RXFP1: variants seen among roughly 807,000 people sequenced by gnomAD.
The protein encoded by RXFP1 is relaxin family peptide receptor 1, also known as relaxin receptor 1.
RXFP1 carries 73 observed loss-of-function variants against 89.8 expected under a neutral mutation model. The ratio of observed to expected loss-of-function variants is 0.81; its 90% CI spans 0.67 to 0.99. The LOEUF (loss-of-function observed/expected upper bound fraction) is 0.99, where lower values mean the gene tolerates loss of function less well. Among genes scored for constraint, RXFP1 ranks in the 50% least tolerant of loss-of-function variants. RXFP1 has a pLI of 0.00. For synonymous variants in RXFP1, 277 were observed against 305.5 expected (o/e 0.91, Z 0.97); for missense variants, 793 against 895.5 (o/e 0.89, Z 1.46).
At chr4:158,567,879 C>T (rs761422275) in intron 1 of RXFP1, among the ~76,000 whole-genome samples, 11 of 152,220 alleles carry the variant, frequency 7.2e-5, no homozygotes, top group Non-Finnish European at 1.6e-4. Flanking sequence ...TCAGCAGTGG[C>T]AACCCGCTCG....
chr4:158,648,382 T>C, intron 16 of RXFP1, 117 bp from the exon 17 acceptor site: 1 of 667,422 alleles, frequency 1.5e-6, no homozygotes, highest in Non-Finnish European at 2.4e-6. Context: ...ATTATAGTCT[T>C]TGTATCTTTA....
intron 6 of RXFP1, among the ~76,000 whole-genome samples, chr4:158,609,424 C>T (rs1463469657): frequency 6.6e-6 from 1 of 152,152 alleles, no homozygotes; most frequent in Admixed American, 6.5e-5. Flanking sequence ...AAAAGGCTTT[C>T]TCAATGTTCC....
chr4:158,586,490 C>T (rs17219611), intron 2 of RXFP1, among the ~76,000 whole-genome samples: 9,091 of 151,978 alleles, frequency 0.06, 399 homozygotes, highest in Middle Eastern at 0.1. Flanking sequence ...TAGACTGCCT[C>T]GAGATAAATC....
At chr4:158,620,478 A>G (rs1014053893) in intron 9 of RXFP1, among the ~76,000 whole-genome samples, 2 of 152,166 alleles carry the variant, frequency 1.3e-5, no homozygotes, top group African/African-American at 4.8e-5. Context: ...AAATCCATGC[A>G]GAAGTCAAGA....
chr4:158,546,830 G>A (rs1160529206), intron 1 of RXFP1, among the ~76,000 whole-genome samples: 1 of 152,194 alleles, frequency 6.6e-6, no homozygotes, highest in East Asian at 1.9e-4. Context: ...GCTTTTTGAT[G>A]TACTGCTGGA....
At chr4:158,594,033 A>G (rs1445987096) in intron 3 of RXFP1, among the ~76,000 whole-genome samples, 4 of 152,232 alleles carry the variant, frequency 2.6e-5, no homozygotes, top group Non-Finnish European at 5.9e-5. Context: ...TTAGATCAGA[A>G]AGATATATGA....
chr4:158,629,793 T>A (rs1192119073), intron 11 of RXFP1, among the ~76,000 whole-genome samples: 2 of 151,716 alleles, frequency 1.3e-5, no homozygotes, highest in East Asian at 3.9e-4. Flanking sequence ...CCCAGCCAAT[T>A]TTTTTTTATT....
chr4:158,608,986 ATAATAG>A (rs1284582253), intron 6 of RXFP1, among the ~76,000 whole-genome samples: 2 of 152,332 alleles, frequency 1.3e-5, no homozygotes, highest in East Asian at 3.9e-4. Flanking sequence ...TTAGGGCTGA[ATAATAG>A]TCCATTGTAT....
chr4:158,643,768 G>A (rs745705054), intron 14 of RXFP1, among the ~76,000 whole-genome samples: 4 of 151,896 alleles, frequency 2.6e-5, no homozygotes, highest in African/African-American at 9.7e-5. Flanking sequence ...ACTGCTCCCA[G>A]CCCACATGCT....
chr4:158,539,397 G>A (rs1746051425), intron 1 of RXFP1, among the ~76,000 whole-genome samples: 1 of 151,830 alleles, frequency 6.6e-6, no homozygotes, highest in Admixed American at 6.6e-5. Context: ...CGAGTTAATG[G>A]GTGCAGCACA....
intron 2 of RXFP1, among the ~76,000 whole-genome samples, chr4:158,577,362 T>C (rs1756473035): frequency 1.3e-5 from 2 of 152,158 alleles, no homozygotes; most frequent in South Asian, 4.1e-4. Context: ...AAAACATCCA[T>C]ATGTAAATTC....
intron 1 of RXFP1, among the ~76,000 whole-genome samples, chr4:158,527,562 A>ATAT (rs1553989390): frequency 8.7e-4 from 6 of 6,918 alleles, no homozygotes; most frequent in African/African-American, 7.9e-4. Context: ...CAAAAAAAAA[A>ATAT]AAATATATAT....
intron 1 of RXFP1, among the ~76,000 whole-genome samples, chr4:158,567,756 CAAAACAGACCAATCAGCTCTCTGT>C (rs1259481542): frequency 1.3e-5 from 2 of 152,114 alleles, no homozygotes; most frequent in Non-Finnish European, 2.9e-5. Context: ...AGCACCCTGT[CAAAACAGACCAATCAGCTCTCTGT>C]AAAACAGACC....
intron 15 of RXFP1, chr4:158,646,435 T>C (rs1464512336): frequency 8.2e-7 from 1 of 1,214,172 alleles, no homozygotes; most frequent in African/African-American, 1.6e-5. Context: ...GCCATCCTCA[T>C]CTGAGTCCCT....
intron 3 of RXFP1, 106 bp from the exon 4 acceptor site, chr4:158,599,220 T>C: frequency 6.4e-7 from 1 of 1,554,406 alleles, no homozygotes; most frequent in Non-Finnish European, 8.7e-7. Context: ...ATGATATGCT[T>C]TTGTACTAAA....
At chr4:158,533,675 C>T (rs1744602220) in intron 1 of RXFP1, among the ~76,000 whole-genome samples, 2 of 152,138 alleles carry the variant, frequency 1.3e-5, no homozygotes, top group African/African-American at 4.8e-5. Context: ...AAAAAGTGTG[C>T]TTATCCTATT....
intron 3 of RXFP1, 41 bp from the exon 4 acceptor site, chr4:158,599,285 C>G (rs1157141603): frequency 3.1e-6 from 5 of 1,612,758 alleles, no homozygotes; most frequent in Non-Finnish European, 3.4e-6. Context: ...TCTTCCTGGT[C>G]CCTCACTGTC....
chr4:158,611,100 A>C (rs922984565), intron 6 of RXFP1, among the ~76,000 whole-genome samples: 1 of 152,250 alleles, frequency 6.6e-6, no homozygotes, highest in Non-Finnish European at 1.5e-5. Flanking sequence ...CATAATATGT[A>C]CTGAATGTTT....
intron 1 of RXFP1, among the ~76,000 whole-genome samples, chr4:158,530,916 AC>A (rs1743876914): frequency 6.6e-6 from 1 of 152,240 alleles, no homozygotes. Flanking sequence ...AAAAATCTGT[AC>A]AAAGCTTTTT....
Sources: gnomAD v4.1 joint callset for allele counts (sites outside exome capture counted in the v4.1 genomes callset) on GRCh38, gnomAD v4.1.1 for gene constraint, MANE v1.5 for transcripts, NCBI Gene and HGNC (gene_info 2026-07-23, HGNC 2026-07-21) for gene names.